Variants in SEC63 observed in about 807,000 individuals in gnomAD.
The protein encoded by SEC63 is translocation protein SEC63 homolog.
SEC63 carries 56 observed loss-of-function variants against 116.2 expected under a neutral mutation model. The observed-to-expected ratio is 0.48, with a 90% CI of 0.39 to 0.60. SEC63 has a LOEUF of 0.60. Among genes scored for constraint, SEC63 ranks in the 20% least tolerant of loss-of-function variants. SEC63 has a pLI of 0.00. For missense variants in SEC63, 668 were observed against 900.0 expected (o/e 0.74, Z 3.30); for synonymous variants, 273 against 294.6 (o/e 0.93, Z 0.75).
chr6:107,936,086 G>A (rs1300505443), intron 1 of SEC63, among the ~76,000 whole-genome samples: 1 of 152,220 alleles, frequency 6.6e-6, no homozygotes, highest in African/African-American at 2.4e-5. Context: ...GAACAATGCT[G>A]AAGTCTCTTT....
At chr6:107,927,796 T>C (rs1787708975) in intron 2 of SEC63, among the ~76,000 whole-genome samples, 1 of 152,212 alleles carries the variant, frequency 6.6e-6, no homozygotes, top group Non-Finnish European at 1.5e-5. Context: ...AGTATTTGCA[T>C]ATAACCTATA....
intron 10 of SEC63, among the ~76,000 whole-genome samples, chr6:107,906,185 C>T (rs1423599731): frequency 1.3e-5 from 2 of 152,184 alleles, no homozygotes; most frequent in Non-Finnish European, 2.9e-5. Flanking sequence ...CCTGCTCTGG[C>T]CATGTGAAGA....
chr6:107,869,167 A>G lies in SEC63; in HGVS notation c.*2537T>C, dbSNP rs1786065754. 6.6e-6 allele frequency: 1 copy of G among 152,290 alleles called. No homozygotes were observed. The highest frequency in any genetic ancestry group is 2.1e-4 in the South Asian group (1 of 4,822). 9.4% of individuals were successfully genotyped at this position (152,290 alleles called of 1,614,324 possible). A position where few individuals can be genotyped will look rare whatever the true frequency, so the allele number is the denominator to read the frequency against. On this transcript the variant is annotated 3_prime_UTR_variant, in exon 21 of 21. Transcript: ENST00000369002. Reference sequence around the variant, plus strand: ...AGCAGAGCAGAAGGTATTGTTCTACACAGAGAACTTCACTCAATGTGCTCC... The same window carrying G: ...AGCAGAGCAGAAGGTATTGTTCTACGCAGAGAACTTCACTCAATGTGCTCC...
At chr6:107,878,986 T>A (rs1464359331) in intron 18 of SEC63, among the ~76,000 whole-genome samples, 1 of 152,238 alleles carries the variant, frequency 6.6e-6, no homozygotes, top group Non-Finnish European at 1.5e-5. Flanking sequence ...ACAAAATTGT[T>A]TTTCTTTTGT....
At chr6:107,886,400 T>C (rs1438323254) in intron 16 of SEC63, among the ~76,000 whole-genome samples, 1 of 151,232 alleles carries the variant, frequency 6.6e-6, no homozygotes, top group Non-Finnish European at 1.5e-5. Flanking sequence ...GGGTCAAGTA[T>C]TCCTAGTTCT....
chr6:107,898,154 G>C (rs1464641642), intron 13 of SEC63, among the ~76,000 whole-genome samples: 2 of 151,652 alleles, frequency 1.3e-5, no homozygotes, highest in African/African-American at 4.8e-5. Context: ...GTCTCAGCTA[G>C]TCGGGAGGCT....
chr6:107,868,354 T>C lies in SEC63; in HGVS notation c.*3350A>G, dbSNP rs1245830321. On this transcript the variant is annotated 3_prime_UTR_variant, in exon 21 of 21. Coordinates refer to ENST00000369002, the MANE Select transcript of SEC63 (RefSeq NM_007214.5). ...AGCACTTTGGGAGGCTGAGGAGGGC[T>C]GATCACTTGAGGCCAGGAGTTCGAG... 1 of 152,100 alleles carries C rather than the reference T, an allele frequency of 6.6e-6. No homozygotes were observed. The highest frequency in any genetic ancestry group is 2.4e-5 in the African/African-American group (1 of 41,420). The allele number at this position is 152,100 out of a possible 1,614,324, so 9.4% of individuals were successfully genotyped here. A position where few individuals can be genotyped will look rare whatever the true frequency, so the allele number is the denominator to read the frequency against.
intron 7 of SEC63, among the ~76,000 whole-genome samples, chr6:107,910,006 T>C (rs942289639): frequency 1.3e-5 from 2 of 152,286 alleles, no homozygotes; most frequent in South Asian, 2.1e-4. Flanking sequence ...AACAGAATAA[T>C]GCACACATAC....
rs1016414064 is a variant in SEC63 at position 107,876,502 on chromosome 6, A to G, written c.2034+62T>C. ...AACTTTTTAAAAAAAAGATATATGA[A>G]GCAGCATGATGGTGACAGCTGTGCC... On this transcript the variant is annotated intron_variant, in intron 19 of 20. Coordinates refer to ENST00000369002, the MANE Select transcript of SEC63 (RefSeq NM_007214.5). 4.7e-5 allele frequency: 45 copies of G among 964,780 alleles called. No individual in the cohort carries two copies. In the Middle Eastern group the frequency reaches 1.3e-3, roughly 27 times the overall value. The allele number at this position is 964,780 out of a possible 1,614,324, so 59.8% of individuals were successfully genotyped here.
intron 1 of SEC63, among the ~76,000 whole-genome samples, chr6:107,941,175 T>A (rs1770366570): frequency 6.6e-6 from 1 of 152,234 alleles, no homozygotes; most frequent in Non-Finnish European, 1.5e-5. Context: ...GCAGAGTGTG[T>A]CTTGCTCAAG....
At chr6:107,913,531 T>C (rs1312060484) in intron 4 of SEC63, 104 bp from the exon 5 acceptor site, 4 of 822,458 alleles carry the variant, frequency 4.9e-6, no homozygotes, top group East Asian at 2.4e-5. Context: ...TCTTAGAAGA[T>C]ACTGATTCCA....
intron 1 of SEC63, among the ~76,000 whole-genome samples, chr6:107,953,316 G>A (rs1029828057): frequency 2.0e-5 from 3 of 152,264 alleles, no homozygotes; most frequent in South Asian, 2.1e-4. Context: ...TACTACGGGG[G>A]TCCTCATCTT....
At chr6:107,872,486 A>C (rs1786158029) in intron 20 of SEC63, among the ~76,000 whole-genome samples, 1 of 151,614 alleles carries the variant, frequency 6.6e-6, no homozygotes, top group Non-Finnish European at 1.5e-5. Flanking sequence ...TATACACTCC[A>C]AATAGAATCT....
At chr6:107,955,882 C>CCAAA (rs1554242518) in intron 1 of SEC63, 7 of 213,976 alleles carry the variant, frequency 3.3e-5, no homozygotes, top group African/African-American at 1.7e-4. Flanking sequence ...GACTCTGTCT[C>CCAAA]TAAATAAATA....
chr6:107,926,911 T>C (rs1333270719), intron 2 of SEC63, among the ~76,000 whole-genome samples: 1 of 152,212 alleles, frequency 6.6e-6, no homozygotes, highest in Non-Finnish European at 1.5e-5. Context: ...AATAAAGCCA[T>C]GCTCTACAGT....
rs565194589 is a variant in SEC63, at chr6:107,909,011, G to T, written c.649C>A (p.Arg217Ser). The stretch of plus-strand genomic sequence containing the variant: ...ATTAGAATCTGGTCTCCACTATAGC[G>T]TATTGAGCGATACCACCAAGAGCCC... ...VVGSWWYRSI[R>S]YSGDQILIRT... Residue 217 changes from arginine (R) to serine (S), a missense_variant, in exon 8 of 21, where the codon CGC becomes AGC. Arg to Ser is a moderately radical substitution (Grantham distance 110). This residue lies in a region of SEC63 where 430 missense variants were observed against 557.5 expected (regional missense o/e 0.77). Coordinates refer to ENST00000369002, the MANE Select transcript of SEC63 (RefSeq NM_007214.5). The T allele has an allele frequency of 6.2e-7, 1 of 1,611,856 alleles. No individual in the cohort carries two copies. The highest frequency in any genetic ancestry group is 8.5e-7 in the Non-Finnish European group (1 of 1,178,488).
intron 13 of SEC63, among the ~76,000 whole-genome samples, chr6:107,899,191 G>A (rs1467691648): frequency 6.6e-6 from 1 of 152,172 alleles, no homozygotes; most frequent in Non-Finnish European, 1.5e-5. Context: ...ACCATCTCCA[G>A]CATTATTATC....
intron 4 of SEC63, among the ~76,000 whole-genome samples, chr6:107,913,753 G>A (rs182415931): frequency 6.6e-6 from 1 of 152,268 alleles, no homozygotes; most frequent in East Asian, 1.9e-4. Context: ...AGAAGGCAGG[G>A]AGAATTGTAG....
chr6:107,938,522 GTT>G (rs1325328655), intron 1 of SEC63, among the ~76,000 whole-genome samples: 8 of 151,056 alleles, frequency 5.3e-5, no homozygotes, highest in African/African-American at 1.7e-4. Context: ...TAGGATTACA[GTT>G]GTGAGACACC....
Sources: allele counts gnomAD v4.1 joint callset (sites outside exome capture counted in the v4.1 genomes callset), GRCh38; gene constraint gnomAD v4.1.1; regional missense constraint gnomAD v4.1.1; transcripts MANE v1.5; gene names NCBI Gene and HGNC (gene_info 2026-07-23, HGNC 2026-07-21).